The following ZNF484 variants were observed in gnomAD, a reference collection of about 807,000 sequenced individuals.
The protein encoded by ZNF484 is zinc finger protein 484.
In ZNF484, 11 loss-of-function variants were observed where a neutral mutation model predicts 12.9. That is an observed-to-expected ratio of 0.85 (90% confidence interval 0.54 to 1.41). ZNF484 has a LOEUF of 1.41. ZNF484 is among the 40% of genes most tolerant of loss of function. The probability of loss-of-function intolerance (pLI) is 0.00; values close to 1 mark genes in which losing one functional copy is unlikely to be tolerated. For synonymous variants in ZNF484, 289 were observed against 334.1 expected, an observed-to-expected ratio of 0.86 and a Z score of 1.47; for missense variants, 807 against 1,007.7, an observed-to-expected ratio of 0.80 and a Z score of 2.70.
intron 2 of ZNF484, among the ~76,000 whole-genome samples, chr9:92,874,152 A>C (rs1315158415): frequency 6.6e-6 from 1 of 152,240 alleles, no homozygotes; most frequent in Non-Finnish European, 1.5e-5. Flanking sequence ...GACAAGGAGC[A>C]TTGATGTTCT....
At chr9:92,864,129 C>T (rs1204192810) in intron 2 of ZNF484, among the ~76,000 whole-genome samples, 1 of 152,148 alleles carries the variant, frequency 6.6e-6, no homozygotes, top group Non-Finnish European at 1.5e-5. Flanking sequence ...AGCTAGTTGT[C>T]TTCCAACATT....
Position 92,846,780 on chromosome 9 carries a change from A to G in ZNF484, c.2007T>C (p.Cys669=). Residue 669 remains cysteine, a synonymous_variant, in exon 5 of 5, where the codon TGT becomes TGC. Coordinates refer to ENST00000375495, the MANE Select transcript of ZNF484 (RefSeq NM_031486.4). ...TGEKPYKCSD[C]GKAFTRKSGL... ...CTGACTTCCTAGTGAAGGCTTTCCC[A>G]CAGTCACTACATTTATAAGGTTTCT... The G allele has an allele frequency of 6.2e-7, 1 of 1,614,004 alleles. No individual in the cohort carries two copies. Among genetic ancestry groups the G allele is most frequent in the Non-Finnish European group, 8.5e-7 (1 of 1,179,978 alleles).
rs770770155 is a variant in ZNF484 at position 92,847,472 on chromosome 9, G to A, written c.1315C>T (p.Pro439Ser). Reference protein sequence around the residue: ...THERIHTGEKPYECSDCGKSF... With the variant: ...THERIHTGEKSYECSDCGKSF... ...TTCCCACAGTCACTGCATTCATAGG[G>A]TTTTTCTCCAGTATGAATTCTTTCA... The change falls in exon 5 of 5, where the codon CCC (proline) becomes TCC (serine). Residue 439 changes from proline (P) to serine (S), a missense_variant. Pro to Ser is a moderately conservative substitution (Grantham distance 74, BLOSUM62 -1). Coordinates refer to ENST00000375495, the MANE Select transcript of ZNF484 (RefSeq NM_031486.4). 18 of 1,612,354 alleles carry A rather than the reference G, an allele frequency of 1.1e-5. No homozygotes were observed. The East Asian group carries it at 3.8e-4, about 34-fold the overall frequency.
chr9:92,868,386 T>C (rs1043215230), intron 2 of ZNF484, among the ~76,000 whole-genome samples: 1 of 152,208 alleles, frequency 6.6e-6, no homozygotes, highest in African/African-American at 2.4e-5. Context: ...TTTTCCTGGC[T>C]TCATCATTCA....
At position 92,846,105 on chromosome 9, in the gene ZNF484, T is replaced by C. The variant is rs942142970; in HGVS notation, c.*123A>G. The C allele has an allele frequency of 1.0e-6, 1 of 978,646 alleles. No individual in the cohort carries two copies. Among genetic ancestry groups the C allele is most frequent in the African/African-American group, 1.6e-5 (1 of 61,464 alleles). 60.6% of individuals were successfully genotyped at this position (978,646 alleles called of 1,614,324 possible). On this transcript the variant is annotated 3_prime_UTR_variant, in exon 5 of 5. Coordinates refer to ENST00000375495, the MANE Select transcript of ZNF484 (RefSeq NM_031486.4). ...CACATTTACTATTATTTGCAGGAGC[T>C]TGACAACACCAATATCAAGTAACCA... is the stretch of plus-strand genomic sequence containing the variant.
Position 92,864,533 on chromosome 9 carries a change from G to A in ZNF484, c.16-8215C>T, listed in dbSNP as rs140068686. Among the ~76,000 whole-genome samples the A allele has an allele frequency of 3.1e-4, 47 of 152,170 alleles. 1 individual carries two copies. The East Asian group carries it at 5.2e-3, about 17-fold the overall frequency. On this transcript the variant is annotated intron_variant, in intron 2 of 4. Transcript: ENST00000375495. ...TTTTGCTTCTTTTGTGTTTAAGCCCGTAATTCTTAGATTTCTGTTATACTA... is the reference window on the plus strand; with the variant it reads ...TTTTGCTTCTTTTGTGTTTAAGCCCATAATTCTTAGATTTCTGTTATACTA...
Position 92,849,249 on chromosome 9 carries a change from G to A in ZNF484, c.236-698C>T, listed in dbSNP as rs147517063. Among the ~76,000 whole-genome samples the A allele has an allele frequency of 3.3e-5, 5 of 150,784 alleles. No individual in the cohort carries two copies. The East Asian group carries it at 5.9e-4, about 18-fold the overall frequency. The stretch of plus-strand genomic sequence containing the variant: ...GCACTCCAGCCTGGGCAACAAGAGC[G>A]AAACTCTATCTCCAAAAAAAAAAGA... On this transcript the variant is annotated intron_variant, in intron 4 of 4. Coordinates refer to ENST00000375495, the MANE Select transcript of ZNF484 (RefSeq NM_031486.4).
rs140877121 is a variant in ZNF484, at chr9:92,862,800, G to A, written c.16-6482C>T. Among the ~76,000 whole-genome samples, 672 of 152,206 alleles carry A rather than the reference G, an allele frequency of 4.4e-3. 2 individuals carry two copies. Among genetic ancestry groups the A allele is most frequent in the African/African-American group, 0.015 (637 of 41,562 alleles). ...GGCCAGGTTGTGGAGAAATAGGAAC[G>A]CTTTTACACTGTTAGTGGGAATGTA... On this transcript the variant is annotated intron_variant, in intron 2 of 4. Transcript: ENST00000375495.
Position 92,875,069 on chromosome 9 carries a change from C to G in ZNF484, c.-30-10G>C. On this transcript the variant is annotated splice_polypyrimidine_tract_variant and intron_variant, in intron 1 of 4. Transcript: ENST00000375495. The stretch of plus-strand genomic sequence containing the variant: ...ACAAAGGGGCAGAAATCTGAGAAAA[C>G]AGATGGGTAGAGGTACCCATGAGAG... The G allele has an allele frequency of 6.2e-7, 1 of 1,613,838 alleles. No homozygotes were observed. Among genetic ancestry groups the G allele is most frequent in the Non-Finnish European group, 8.5e-7 (1 of 1,179,874 alleles).
chr9:92,877,939 G>A lies in ZNF484; in HGVS notation c.-80C>T. ...GGACAGTGGTCATTTGCCTCGGGAG[G>A]TGACTATAGTCGCAAGAACCAGAAC... On this transcript the variant is annotated 5_prime_UTR_variant, in exon 1 of 5. Transcript: ENST00000375495. 2 of 1,465,748 alleles carry A rather than the reference G, an allele frequency of 1.4e-6. No homozygotes were observed. The highest frequency in any genetic ancestry group is 1.8e-6 in the Non-Finnish European group (2 of 1,085,070). 90.8% of individuals were successfully genotyped at this position (1,465,748 alleles called of 1,614,324 possible).
intron 2 of ZNF484, among the ~76,000 whole-genome samples, chr9:92,874,345 C>T (rs1303594722): frequency 2.1e-5 from 3 of 142,600 alleles, no homozygotes; most frequent in Non-Finnish European, 4.5e-5. Flanking sequence ...GAGTTTCGCT[C>T]TTGTTGCCCA....
chr9:92,862,045 C>G (rs1025957781), intron 2 of ZNF484: 1 of 543,746 alleles, frequency 1.8e-6, no homozygotes, highest in African/African-American at 2.1e-5. Flanking sequence ...TTTTCAAGTG[C>G]TGAAGAGAAA....
In ZNF484 at chr9:92,865,038, GAGAA is replaced by G. The variant is rs147005625; in HGVS notation, c.16-8724_16-8721del. Among the ~76,000 whole-genome samples the G allele has an allele frequency of 3.7e-3, 564 of 152,202 alleles. 1 individual carries two copies. The highest frequency in any genetic ancestry group is 0.013 in the African/African-American group (522 of 41,532). On this transcript the variant is annotated intron_variant, in intron 2 of 4. Transcript: ENST00000375495. ...TCACACACACACACACAGAGAGAGA[GAGAA>G]AGAGAGAGAGAGAGAACGAGAGAGA...
intron 2 of ZNF484, among the ~76,000 whole-genome samples, chr9:92,861,817 A>C (rs1203427466): frequency 1.3e-5 from 2 of 152,224 alleles, no homozygotes; most frequent in African/African-American, 4.8e-5. Context: ...TAAAAGGCAT[A>C]AATGTACAGA....
intron 4 of ZNF484, among the ~76,000 whole-genome samples, chr9:92,853,510 G>C (rs1856235186): frequency 6.6e-6 from 1 of 152,224 alleles, no homozygotes. Flanking sequence ...CAGTCACAGA[G>C]TAAAAGTTGT....
rs370689608 is a variant in ZNF484, at chr9:92,848,616, G to A, written c.236-65C>T. 4.1e-5 allele frequency: 58 copies of A among 1,428,194 alleles called. No individual in the cohort carries two copies. The highest frequency in any genetic ancestry group is 3.0e-4 in the African/African-American group (21 of 69,582). The allele number at this position is 1,428,194 out of a possible 1,614,324, so 88.5% of individuals were successfully genotyped here. ...ATTAACAGAAAATAAGGCCAGGTGCGGTGGCTCATGCCTGTAATCCTAGCA... is the reference window on the plus strand; with the variant it reads ...ATTAACAGAAAATAAGGCCAGGTGCAGTGGCTCATGCCTGTAATCCTAGCA... On this transcript the variant is annotated intron_variant, in intron 4 of 4. Transcript: ENST00000375495. This position sits in a 1 kb window ranked among gnomAD's most constrained non-coding sequence, Gnocchi z 4.1.
chr9:92,858,340 A>AT (rs953792451), intron 2 of ZNF484, among the ~76,000 whole-genome samples: 88 of 150,956 alleles, frequency 5.8e-4, no homozygotes, highest in East Asian at 1.7e-3. Flanking sequence ...TGAAGCAGAG[A>AT]TTTTTTTTTT....
At position 92,848,954 on chromosome 9, in the gene ZNF484, TAA is replaced by T. The variant is rs951256703; in HGVS notation, c.236-405_236-404del. 7.4e-6 allele frequency among the ~76,000 whole-genome samples: 1 copy of T among 135,478 alleles called. No homozygotes were observed. The highest frequency in any genetic ancestry group is 2.7e-5 in the African/African-American group (1 of 37,464). The allele number at this position is 135,478 out of a possible 152,430, so 88.9% of individuals were successfully genotyped here. The stretch of plus-strand genomic sequence containing the variant: ...ATAAATAAATAAATAAATAAATAAA[TAA>T]AAATACAATAGACCTTTGATTCAGG... On this transcript the variant is annotated intron_variant, in intron 4 of 4. Coordinates refer to ENST00000375495, the MANE Select transcript of ZNF484 (RefSeq NM_031486.4). The surrounding 1 kb of genome is among the most constrained non-coding windows in gnomAD (Gnocchi z 4.1).
At chr9:92,872,017 G>A (rs1190992197) in intron 2 of ZNF484, among the ~76,000 whole-genome samples, 1 of 152,112 alleles carries the variant, frequency 6.6e-6, no homozygotes, top group Non-Finnish European at 1.5e-5. Context: ...GATCGCCTGA[G>A]GTTGGGAGTT....
Sources: allele counts gnomAD v4.1 joint callset (sites outside exome capture counted in the v4.1 genomes callset), GRCh38; gene constraint gnomAD v4.1.1; non-coding constraint Gnocchi (gnomAD v3.1); transcripts MANE v1.5; gene names NCBI Gene and HGNC (gene_info 2026-07-23, HGNC 2026-07-21).